PRKN: variants seen among roughly 807,000 people sequenced by gnomAD.
PRKN encodes parkin RBR E3 ubiquitin protein ligase, also known as E3 ubiquitin-protein ligase parkin.
PRKN carries 56 observed loss-of-function variants against 59.5 expected under a neutral mutation model. The observed-to-expected ratio is 0.94, with a 90% CI of 0.76 to 1.18. PRKN has a LOEUF of 1.18. PRKN is among the 50% of genes most tolerant of loss of function. The pLI, the probability that PRKN is intolerant of heterozygous loss-of-function variation, is 0.00. For synonymous variants in PRKN, 250 were observed against 222.1 expected, an observed-to-expected ratio of 1.13 and a Z score of -1.12; for missense variants, 657 against 596.4, an observed-to-expected ratio of 1.10 and a Z score of -1.06.
intron 2 of PRKN, among the ~76,000 whole-genome samples, chr6:162,363,826 G>A (rs1038692963): frequency 2.0e-5 from 3 of 152,094 alleles, no homozygotes; most frequent in Non-Finnish European, 2.9e-5. Context: ...GGTCCTGCCC[G>A]CTTTTAACAG....
chr6:161,934,335 T>C (rs1324786474), intron 6 of PRKN, among the ~76,000 whole-genome samples: 1 of 152,200 alleles, frequency 6.6e-6, no homozygotes, highest in Non-Finnish European at 1.5e-5. Context: ...CAGTCTTAGG[T>C]AGTATTTTTA....
chr6:161,491,636 CTT>C (rs35912732), intron 9 of PRKN, among the ~76,000 whole-genome samples: 62,150 of 148,428 alleles, frequency 0.42, 15,664 homozygotes, highest in Middle Eastern at 0.59. Context: ...ACTTAACTTC[CTT>C]TTTTTTTTTT....
At chr6:162,385,252 C>CCAGA (rs1228246836) in intron 2 of PRKN, among the ~76,000 whole-genome samples, 2 of 152,050 alleles carry the variant, frequency 1.3e-5, no homozygotes, top group Non-Finnish European at 2.9e-5. Context: ...GCCACTTCAC[C>CCAGA]CAGATAACAT....
chr6:162,082,293 A>G (rs1426179623), intron 4 of PRKN, among the ~76,000 whole-genome samples: 2 of 152,076 alleles, frequency 1.3e-5, no homozygotes, highest in African/African-American at 4.8e-5. Context: ...ACCTTCTGCC[A>G]TGATTATGAG....
intron 4 of PRKN, among the ~76,000 whole-genome samples, chr6:162,174,339 G>A (rs1166763781): frequency 6.6e-6 from 1 of 152,020 alleles, no homozygotes; most frequent in Non-Finnish European, 1.5e-5. Context: ...TTGCCCACAC[G>A]CTAAATAAAA....
rs1787419443 is a variant in PRKN, at chr6:161,409,326, G to A, written c.1084-22449C>T. Among the ~76,000 whole-genome samples the A allele has an allele frequency of 6.6e-6, 1 of 152,186 alleles. No homozygotes were observed. Among genetic ancestry groups the A allele is most frequent in the Admixed American group, 6.5e-5 (1 of 15,282 alleles). Reference sequence around the variant, plus strand: ...AGCATTTTGGACAGAAAATCTCTGAGACGATGACAGCATTGTGTGTTCTCT... The same window carrying A: ...AGCATTTTGGACAGAAAATCTCTGAAACGATGACAGCATTGTGTGTTCTCT... On this transcript the variant is annotated intron_variant, in intron 9 of 11. Transcript: ENST00000366898. This position sits in a 1 kb window ranked among gnomAD's most constrained non-coding sequence, Gnocchi z 4.6.
chr6:161,590,535 C>A (rs561346267), intron 7 of PRKN, among the ~76,000 whole-genome samples: 1 of 152,196 alleles, frequency 6.6e-6, no homozygotes, highest in South Asian at 2.1e-4. Flanking sequence ...GAGTTCATGA[C>A]CAGTCTGGCC....
chr6:162,705,176 A>T (rs1778295278), intron 1 of PRKN, among the ~76,000 whole-genome samples: 1 of 152,184 alleles, frequency 6.6e-6, no homozygotes, highest in Non-Finnish European at 1.5e-5. Flanking sequence ...GATGTGTCAG[A>T]CAGACACAAA....
At chr6:162,250,704 G>C (rs746408756) in intron 3 of PRKN, among the ~76,000 whole-genome samples, 1 of 152,074 alleles carries the variant, frequency 6.6e-6, no homozygotes, top group Non-Finnish European at 1.5e-5. Flanking sequence ...ATCTAATTTC[G>C]CAATGCATCT....
In PRKN at chr6:161,414,945, C is replaced by T. The variant is rs559084713; in HGVS notation, c.1084-28068G>A. ...GGCATAGGAGGAATTCACTTTCTTC[C>T]ACCTACACACTGTTGGCAGCTCCTC... On this transcript the variant is annotated intron_variant, in intron 9 of 11. Coordinates refer to ENST00000366898, the MANE Select transcript of PRKN (RefSeq NM_004562.3). The surrounding 1 kb of genome is among the most constrained non-coding windows in gnomAD (Gnocchi z 5.3). Among the ~76,000 whole-genome samples the T allele has an allele frequency of 1.3e-5, 2 of 152,308 alleles. No individual in the cohort carries two copies. The highest frequency in any genetic ancestry group is 4.8e-5 in the African/African-American group (2 of 41,544).
chr6:161,636,223 G>A (rs560997073), intron 7 of PRKN, among the ~76,000 whole-genome samples: 139 of 152,348 alleles, frequency 9.1e-4, no homozygotes, highest in African/African-American at 3.0e-3. Flanking sequence ...TAGGGGAGCC[G>A]CATGTCCACT....
rs192303190 is a variant in PRKN at position 161,437,306 on chromosome 6, G to A, written c.1084-50429C>T. Among the ~76,000 whole-genome samples, 13 of 152,278 alleles carry A rather than the reference G, an allele frequency of 8.5e-5. No homozygotes were observed. The East Asian group carries it at 2.3e-3, about 27-fold the overall frequency. On this transcript the variant is annotated intron_variant, in intron 9 of 11. Transcript: ENST00000366898. Reference sequence around the variant, plus strand: ...TGGCTACTAAGTGACTTCTGGGCGCGTGGTGTCTACAGCGTGGAGATGCCA... The same window carrying A: ...TGGCTACTAAGTGACTTCTGGGCGCATGGTGTCTACAGCGTGGAGATGCCA...
intron 2 of PRKN, among the ~76,000 whole-genome samples, chr6:162,364,513 C>T (rs1362545984): frequency 6.6e-6 from 1 of 152,102 alleles, no homozygotes; most frequent in Admixed American, 6.6e-5. Context: ...AAGAAAGTAT[C>T]TACTTGGCAA....
At chr6:161,805,772 G>A (rs1229345322) in intron 6 of PRKN, among the ~76,000 whole-genome samples, 1 of 152,182 alleles carries the variant, frequency 6.6e-6, no homozygotes, top group Non-Finnish European at 1.5e-5. Flanking sequence ...GCTGTTGATG[G>A]AGAGCCGGGG....
At position 162,170,314 on chromosome 6, in the gene PRKN, G is replaced by A. The variant is rs74632861; in HGVS notation, c.534+30817C>T. Among the ~76,000 whole-genome samples, 1,089 of 152,248 alleles carry A rather than the reference G, an allele frequency of 7.2e-3. 10 individuals carry two copies. The highest frequency in any genetic ancestry group is 0.011 in the Non-Finnish European group (758 of 68,034). On this transcript the variant is annotated intron_variant, in intron 4 of 11. Coordinates refer to ENST00000366898, the MANE Select transcript of PRKN (RefSeq NM_004562.3). Reference sequence around the variant, plus strand: ...TCCCGTGTACAAATGGGATTGCTCCGGAAAAGCTTCTTCCCACAGGCACTA... The same window carrying A: ...TCCCGTGTACAAATGGGATTGCTCCAGAAAAGCTTCTTCCCACAGGCACTA...
chr6:162,432,263 C>T (rs576993563), intron 2 of PRKN, among the ~76,000 whole-genome samples: 5 of 152,268 alleles, frequency 3.3e-5, no homozygotes, highest in Admixed American at 6.5e-5. Context: ...CGCCGTGGCT[C>T]ATGCCTGTAA....
At chr6:162,679,166 CT>C (rs1237471467) in intron 1 of PRKN, among the ~76,000 whole-genome samples, 3 of 151,748 alleles carry the variant, frequency 2.0e-5, no homozygotes, top group Non-Finnish European at 4.4e-5. Flanking sequence ...ATGGTGCAAT[CT>C]CGCCTCACTG....
chr6:162,177,077 C>A (rs915606297), intron 4 of PRKN, among the ~76,000 whole-genome samples: 4 of 151,710 alleles, frequency 2.6e-5, no homozygotes, highest in African/African-American at 9.7e-5. Flanking sequence ...ATATGTATAC[C>A]CCTATTCACT....
At chr6:162,026,450 T>C (rs1303966778) in intron 5 of PRKN, among the ~76,000 whole-genome samples, 3 of 152,200 alleles carry the variant, frequency 2.0e-5, no homozygotes, top group African/African-American at 7.2e-5. Flanking sequence ...CATGAACACG[T>C]ATGTCCTGCA....
Sources: gnomAD v4.1 joint callset for allele counts (sites outside exome capture counted in the v4.1 genomes callset) on GRCh38, gnomAD v4.1.1 for gene constraint, Gnocchi (gnomAD v3.1) non-coding constraint, MANE v1.5 for transcripts, NCBI Gene and HGNC (gene_info 2026-07-23, HGNC 2026-07-21) for gene names.